Variants in FAM20B observed in about 807,000 individuals in gnomAD.
The protein encoded by FAM20B is FAM20B glycosaminoglycan xylosylkinase.
A neutral mutation model predicts 43.8 loss-of-function variants in FAM20B; 23 were observed. That is an observed-to-expected ratio of 0.53 (90% confidence interval 0.38 to 0.74). FAM20B has a LOEUF of 0.74. Among genes scored for constraint, FAM20B ranks in the 30% least tolerant of loss-of-function variants. The probability of loss-of-function intolerance (pLI) is 0.00; values close to 1 mark genes in which losing one functional copy is unlikely to be tolerated. For missense variants in FAM20B, 440 were observed against 510.5 expected (o/e 0.86, Z 1.33); for synonymous variants, 178 against 192.4 (o/e 0.93, Z 0.62).
chr1:179,057,143 G>A (rs897110967), intron 4 of FAM20B, among the ~76,000 whole-genome samples: 22 of 152,050 alleles, frequency 1.4e-4, no homozygotes, highest in African/African-American at 4.3e-4. Flanking sequence ...GCGGGAGTTC[G>A]AGACCAGCCT....
chr1:179,024,321 G>T (rs75713258), upstream of FAM20B, among the ~76,000 whole-genome samples: 3,572 of 152,290 alleles, frequency 0.023, 95 homozygotes, highest in East Asian at 0.072. Context: ...TTCCTGAACA[G>T]TGACAGTTGG....
At chr1:179,030,815 A>G (rs1200743360) in intron 1 of FAM20B, among the ~76,000 whole-genome samples, 1 of 152,116 alleles carries the variant, frequency 6.6e-6, no homozygotes, top group Non-Finnish European at 1.5e-5. Flanking sequence ...TTGGAAGTAC[A>G]AAGCGTGAGT....
At chr1:179,042,817 C>T (rs1052912418) in intron 1 of FAM20B, among the ~76,000 whole-genome samples, 3 of 152,230 alleles carry the variant, frequency 2.0e-5, no homozygotes, top group East Asian at 3.9e-4. Flanking sequence ...CCCTTGTGCA[C>T]GCAGGTTGTC....
In FAM20B at chr1:179,050,374, G is replaced by T; in HGVS notation, c.464+9G>T. 2 of 1,604,386 alleles carry T rather than the reference G, an allele frequency of 1.2e-6. No individual in the cohort carries two copies. Among genetic ancestry groups the T allele is most frequent in the South Asian group, 2.2e-5 (2 of 90,862 alleles). On this transcript the variant is annotated intron_variant, in intron 3 of 7. Transcript: ENST00000263733. ...GCCTTTCACTTGGACAGGTGCGTAT[G>T]ATCACAGCAGCTTATGTTCATTTTG...
At chr1:179,061,073 CG>C (rs1287664870) in intron 4 of FAM20B, among the ~76,000 whole-genome samples, 1 of 128,294 alleles carries the variant, frequency 7.8e-6, no homozygotes, top group African/African-American at 3.1e-5. Flanking sequence ...TACTCTTTGT[CG>C]AATTTTTTTT....
chr1:179,025,725 G>C (rs1649729871), upstream of FAM20B: 10 of 151,892 alleles, frequency 6.6e-5, no homozygotes, highest in Admixed American at 6.5e-4. Context: ...GGAGTTAAGC[G>C]GACGGGCCCG....
chr1:179,064,459 G>T lies in FAM20B; in HGVS notation c.901G>T (p.Gly301Cys). 2 of 1,614,100 alleles carry T rather than the reference G, an allele frequency of 1.2e-6. No individual in the cohort carries two copies. Among genetic ancestry groups the T allele is most frequent in the Non-Finnish European group, 8.5e-7 (1 of 1,179,974 alleles). The change falls in exon 6 of 8, where the codon GGC becomes TGC. Residue 301 changes from glycine to cysteine, a missense_variant. Transcript: ENST00000263733. ...HHYESFQDDE[G>C]ASMLILLDNA... ...CTATGAGAGCTTTCAAGATGATGAAGGCGCTAGTATGCTCATCCTTCTTGA... is the reference window on the plus strand; with the variant it reads ...CTATGAGAGCTTTCAAGATGATGAATGCGCTAGTATGCTCATCCTTCTTGA...
rs369030211 is a variant in FAM20B at position 179,041,637 on chromosome 1, C to T, written c.-133-2078C>T. 2.2e-4 allele frequency among the ~76,000 whole-genome samples: 26 copies of T among 116,248 alleles called. No individual in the cohort carries two copies. The East Asian group carries it at 5.8e-3, about 26-fold the overall frequency. 76.3% of individuals were successfully genotyped at this position (116,248 alleles called of 152,430 possible). A position where few individuals can be genotyped will look rare whatever the true frequency, so the allele number is the denominator to read the frequency against. Reference sequence around the variant, plus strand: ...CGTGGAAAGAGAGGGAGAGGGAGACCGTGGGGAGACGGGAGACGGGAGATG... The same window carrying T: ...CGTGGAAAGAGAGGGAGAGGGAGACTGTGGGGAGACGGGAGACGGGAGATG... On this transcript the variant is annotated intron_variant, in intron 1 of 7. Transcript: ENST00000263733.
intron 1 of FAM20B, among the ~76,000 whole-genome samples, chr1:179,026,692 C>T (rs1040467183): frequency 1.3e-5 from 2 of 152,250 alleles, no homozygotes; most frequent in African/African-American, 4.8e-5. Context: ...AAGGGCACAA[C>T]TTAACGAATG....
chr1:179,066,838 C>T lies in FAM20B; in HGVS notation c.977C>T (p.Ala326Val). 2 of 1,612,448 alleles carry T rather than the reference C, an allele frequency of 1.2e-6. No homozygotes were observed. Among genetic ancestry groups the T allele is most frequent in the Non-Finnish European group, 1.7e-6 (2 of 1,178,466 alleles). The change falls in exon 7 of 8, where the codon GCC (alanine) becomes GTC (valine). Residue 326 changes from alanine to valine, a missense_variant. Ala to Val is a moderately conservative substitution (Grantham distance 64). Transcript: ENST00000263733. Reference protein sequence around the residue: ...NPSLDERSILAPLYQCCIIRV... With the variant: ...NPSLDERSILVPLYQCCIIRV... Reference sequence around the variant, plus strand: ...TCGCTGGATGAAAGAAGCATTCTTGCCCCTCTCTATCAGTGTTGCATGTAA... The same window carrying T: ...TCGCTGGATGAAAGAAGCATTCTTGTCCCTCTCTATCAGTGTTGCATGTAA...
intron 1 of FAM20B, 85 bp downstream of exon 1, chr1:179,026,183 G>T (rs1649763832): frequency 6.7e-6 from 1 of 149,704 alleles, no homozygotes; most frequent in African/African-American, 2.4e-5. Flanking sequence ...ACGCGGGCGG[G>T]GCACGGTACG....
At position 179,073,039 on chromosome 1, in the gene FAM20B, A is replaced by C. The variant is rs1651994349; in HGVS notation, c.*895A>C. On this transcript the variant is annotated 3_prime_UTR_variant, in exon 8 of 8. Coordinates refer to ENST00000263733, the MANE Select transcript of FAM20B (RefSeq NM_014864.4). The stretch of plus-strand genomic sequence containing the variant: ...CAGTCCTTCCCAAATTAACAAAGCA[A>C]ACTGAAATAATACCTTGAATAACAG... The C allele has an allele frequency of 6.6e-6, 1 of 152,182 alleles. No homozygotes were observed. The highest frequency in any genetic ancestry group is 1.5e-5 in the Non-Finnish European group (1 of 68,026). The allele number at this position is 152,182 out of a possible 1,614,324, so 9.4% of individuals were successfully genotyped here.
intron 1 of FAM20B, among the ~76,000 whole-genome samples, chr1:179,029,864 T>A (rs1239528877): frequency 6.6e-6 from 1 of 152,154 alleles, no homozygotes; most frequent in Non-Finnish European, 1.5e-5. Flanking sequence ...TGTGGAAAAA[T>A]TTTTACAATA....
At chr1:179,031,381 G>A (rs144665832) in intron 1 of FAM20B, among the ~76,000 whole-genome samples, 4 of 152,298 alleles carry the variant, frequency 2.6e-5, no homozygotes, top group East Asian at 3.9e-4. Flanking sequence ...AACAGAACTC[G>A]CTAGCAGTAT....
chr1:179,062,097 C>G (rs1044424400), intron 4 of FAM20B, among the ~76,000 whole-genome samples: 1 of 151,932 alleles, frequency 6.6e-6, no homozygotes, highest in African/African-American at 2.4e-5. Context: ...AACTTTGCCT[C>G]TCAGGTTTCA....
chr1:179,018,862 T>C, the FAM20B span, among the ~76,000 whole-genome samples: 1 of 152,106 alleles, frequency 6.6e-6, no homozygotes, highest in Non-Finnish European at 1.5e-5. Context: ...AGTCCCACAA[T>C]CTGCTGTCTG....
At chr1:179,046,822 C>G (rs10157463) in intron 2 of FAM20B, among the ~76,000 whole-genome samples, 13,907 of 151,954 alleles carry the variant, frequency 0.092, 1,182 homozygotes, top group African/African-American at 0.23. Flanking sequence ...GGCTAACATG[C>G]TGAAACCCCG....
At chr1:179,039,742 A>T (rs10714686) in intron 1 of FAM20B, among the ~76,000 whole-genome samples, 14,504 of 70,438 alleles carry the variant, frequency 0.21, 898 homozygotes, top group African/African-American at 0.34. Flanking sequence ...TTTATTTATT[A>T]TTTTTTTTTA....
intron 1 of FAM20B, among the ~76,000 whole-genome samples, chr1:179,041,714 GAGACGGGAGACGGGCCGGGA>G (rs1650557627): frequency 6.7e-6 from 1 of 148,928 alleles, no homozygotes; most frequent in Non-Finnish European, 1.5e-5. Flanking sequence ...AGGGAGACAG[GAGACGGGAGACGGGCCGGGA>G]GAGGGAGACG....
Sources: allele counts gnomAD v4.1 joint callset (sites outside exome capture counted in the v4.1 genomes callset), GRCh38; gene constraint gnomAD v4.1.1; transcripts MANE v1.5; gene names NCBI Gene and HGNC (gene_info 2026-07-23, HGNC 2026-07-21).